Variants in NTMT1 observed in about 807,000 individuals in gnomAD.
The protein encoded by NTMT1 is N-terminal RCC1 methyltransferase.
NTMT1 carries 8 observed loss-of-function variants against 17.5 expected under a neutral mutation model. The observed-to-expected ratio is 0.46, with a 90% CI of 0.27 to 0.82. The LOEUF is 0.82. NTMT1 is among the 40% of genes least tolerant of loss of function. NTMT1 has a pLI of 0.15. For missense variants in NTMT1, 221 were observed against 303.5 expected (o/e 0.73, Z 2.02); for synonymous variants, 128 against 126.8 (o/e 1.01, Z -0.06).
upstream of NTMT1, among the ~76,000 whole-genome samples, chr9:129,621,253 G>A (rs181793492): frequency 6.6e-6 from 1 of 152,348 alleles, no homozygotes; most frequent in South Asian, 2.1e-4. Flanking sequence ...AGACCCCTGG[G>A]TGGGGAGCCT....
At chr9:129,634,386 C>T in intron 3 of NTMT1, 80 bp downstream of exon 3, 2 of 1,492,244 alleles carry the variant, frequency 1.3e-6, no homozygotes, top group East Asian at 4.6e-5. Context: ...AGGACCAGGG[C>T]TTTGCACTCC....
chr9:129,617,528 G>A (rs907317190), intron 1 of NTMT1, among the ~76,000 whole-genome samples: 1 of 152,240 alleles, frequency 6.6e-6, no homozygotes, highest in African/African-American at 2.4e-5. Context: ...GCTCTTGAAT[G>A]TGAAAGTCTG....
At chr9:129,629,462 C>T (rs1003216667) in intron 1 of NTMT1, among the ~76,000 whole-genome samples, 8 of 152,142 alleles carry the variant, frequency 5.3e-5, no homozygotes, top group African/African-American at 1.9e-4. Flanking sequence ...AGGATCATGG[C>T]TCACTGCAGC....
At position 129,613,323 on chromosome 9, in the gene NTMT1, T is replaced by C; in HGVS notation, c.-55+4145T>C. 1.3e-6 allele frequency: 2 copies of C among 1,565,598 alleles called. No individual in the cohort carries two copies. The highest frequency in any genetic ancestry group is 1.7e-6 in the Non-Finnish European group (2 of 1,154,624). On this transcript the variant is annotated intron_variant, in intron 1 of 3. Coordinates refer to the NTMT1 transcript ENST00000372486. The surrounding 1 kb of genome is among the most constrained non-coding windows in gnomAD (Gnocchi z 6.2). ...GCCCACCCATGGCTGGCAGGGCCCT[T>C]GAGGACCCACACTGGCAACCCGCCT... is the stretch of plus-strand genomic sequence containing the variant.
In NTMT1 at chr9:129,613,310, C is replaced by G; in HGVS notation, c.-55+4132C>G. On this transcript the variant is annotated intron_variant, in intron 1 of 3. Coordinates refer to the NTMT1 transcript ENST00000372486. The surrounding 1 kb of genome is among the most constrained non-coding windows in gnomAD (Gnocchi z 6.2). ...CTCTGAGTCCCCGGCCCACCCATGG[C>G]TGGCAGGGCCCTTGAGGACCCACAC... 1 of 1,565,290 alleles carries G rather than the reference C, an allele frequency of 6.4e-7. No homozygotes were observed.
Position 129,613,310 on chromosome 9 carries a change from C to T in NTMT1, c.-55+4132C>T. On this transcript the variant is annotated intron_variant, in intron 1 of 3. Transcript: ENST00000372486. This position sits in a 1 kb window ranked among gnomAD's most constrained non-coding sequence, Gnocchi z 6.2. The stretch of plus-strand genomic sequence containing the variant: ...CTCTGAGTCCCCGGCCCACCCATGG[C>T]TGGCAGGGCCCTTGAGGACCCACAC... The T allele has an allele frequency of 5.1e-6, 8 of 1,565,290 alleles. No individual in the cohort carries two copies. The South Asian group carries it at 8.4e-5, about 16-fold the overall frequency.
At chr9:129,622,751 G>A (rs1474732452), upstream of NTMT1, among the ~76,000 whole-genome samples, 4 of 152,040 alleles carry the variant, frequency 2.6e-5, no homozygotes, top group African/African-American at 7.3e-5. Context: ...AAGAGGCCAG[G>A]TTCCAGTGGC....
At chr9:129,619,765 T>C in intron 1 of NTMT1, 2 of 1,613,928 alleles carry the variant, frequency 1.2e-6, no homozygotes, top group Non-Finnish European at 1.7e-6. Flanking sequence ...AATGAACAGT[T>C]GGGACACCGC....
Position 129,635,323 on chromosome 9 carries a change from C to G in NTMT1, c.531C>G (p.Asp177Glu). ...TGGCCCAGGAGGGCGTGATTCTGGA[C>G]GACGTGGACAGCAGCGTGTGCCGGG... ...DNMAQEGVIL[D>E]DVDSSVCRDL... Residue 177 changes from aspartate to glutamate, a missense_variant, in exon 4 of 4, where the codon GAC becomes GAG. Transcript: ENST00000372483. 1 of 1,613,842 alleles carries G rather than the reference C, an allele frequency of 6.2e-7. No individual in the cohort carries two copies. The highest frequency in any genetic ancestry group is 1.1e-5 in the South Asian group (1 of 91,088).
intron 1 of NTMT1, among the ~76,000 whole-genome samples, chr9:129,616,034 C>T (rs529990021): frequency 6.6e-6 from 1 of 152,206 alleles, no homozygotes; most frequent in East Asian, 1.9e-4. Context: ...GAATGCCAGC[C>T]CAGGAGTCAT....
rs1175217518 is a variant in NTMT1 at position 129,620,203 on chromosome 9, G to A, written c.-55+11025G>A. The A allele has an allele frequency of 6.9e-6, 10 of 1,447,152 alleles. No homozygotes were observed. The East Asian group carries it at 2.4e-4, about 34-fold the overall frequency. The allele number at this position is 1,447,152 out of a possible 1,614,324, so 89.6% of individuals were successfully genotyped here. A position where few individuals can be genotyped will look rare whatever the true frequency, so the allele number is the denominator to read the frequency against. ...TGGCCACGCGCCTCCGGGGGCGCTCGCGCTCTCCAGGCCCTGGCTGCCTGG... is the reference window on the plus strand; with the variant it reads ...TGGCCACGCGCCTCCGGGGGCGCTCACGCTCTCCAGGCCCTGGCTGCCTGG... On this transcript the variant is annotated intron_variant, in intron 1 of 3. Transcript: ENST00000372486. This position sits in a 1 kb window ranked among gnomAD's most constrained non-coding sequence, Gnocchi z 5.8.
intron 1 of NTMT1, among the ~76,000 whole-genome samples, chr9:129,632,221 G>A (rs1286865033): frequency 1.3e-5 from 2 of 152,166 alleles, no homozygotes; most frequent in Non-Finnish European, 2.9e-5. Flanking sequence ...GGCCAAGGTG[G>A]GAGAATCTCT....
In NTMT1 at chr9:129,620,181, C is replaced by A; in HGVS notation, c.-55+11003C>A. ...CCCAAGAAGTCGGGGTCCTCCCTGG[C>A]CACGCGCCTCCGGGGGCGCTCGCGC... On this transcript the variant is annotated intron_variant, in intron 1 of 3. Coordinates refer to the NTMT1 transcript ENST00000372486. This position sits in a 1 kb window ranked among gnomAD's most constrained non-coding sequence, Gnocchi z 5.8. 2 of 1,454,878 alleles carry A rather than the reference C, an allele frequency of 1.4e-6. No homozygotes were observed. Among genetic ancestry groups the A allele is most frequent in the Middle Eastern group, 1.8e-4 (1 of 5,492 alleles). The allele number at this position is 1,454,878 out of a possible 1,614,324, so 90.1% of individuals were successfully genotyped here.
chr9:129,618,677 ATTTAT>A (rs912479658), intron 1 of NTMT1, among the ~76,000 whole-genome samples: 5 of 150,716 alleles, frequency 3.3e-5, no homozygotes, highest in Admixed American at 6.6e-5. Context: ...TTTATTTTTT[ATTTAT>A]TTTATTTTAT....
At chr9:129,628,581 C>G (rs555285791) in intron 1 of NTMT1, 2 of 152,174 alleles carry the variant, frequency 1.3e-5, no homozygotes, top group African/African-American at 2.4e-5. Context: ...TGCACAAAGC[C>G]CATTCTTGCA....
chr9:129,635,219 G>A lies in NTMT1; in HGVS notation c.427G>A (p.Asp143Asn), dbSNP rs373504185. The A allele has an allele frequency of 6.2e-6, 10 of 1,609,496 alleles. No individual in the cohort carries two copies. The highest frequency in any genetic ancestry group is 1.3e-5 in the African/African-American group (1 of 74,910). ...TCTGCCCTCCCCAGGCCACCTCACCGATCAGCACCTGGCCGAGTTCCTGCG... is the reference window on the plus strand; with the variant it reads ...TCTGCCCTCCCCAGGCCACCTCACCAATCAGCACCTGGCCGAGTTCCTGCG... ...WIQWVIGHLTDQHLAEFLRRC... is the reference protein window; with the variant it reads ...WIQWVIGHLTNQHLAEFLRRC... Residue 143 changes from aspartate (D) to asparagine (N), a missense_variant, in exon 4 of 4, where the codon GAT becomes AAT. Asp to Asn is a conservative substitution (Grantham distance 23). Coordinates refer to ENST00000372483, the MANE Select transcript of NTMT1 (RefSeq NM_014064.4).
At chr9:129,609,407 C>T (rs2118836588) in intron 1 of NTMT1, among the ~76,000 whole-genome samples, 1 of 152,264 alleles carries the variant, frequency 6.6e-6, no homozygotes, top group Non-Finnish European at 1.5e-5. Flanking sequence ...ACAGGACTGT[C>T]CATGACCAAT....
chr9:129,613,146 G>T lies in NTMT1; in HGVS notation c.-55+3968G>T, dbSNP rs1830169671. On this transcript the variant is annotated intron_variant, in intron 1 of 3. Transcript: ENST00000372486. The surrounding 1 kb of genome is among the most constrained non-coding windows in gnomAD (Gnocchi z 6.2). Reference sequence around the variant, plus strand: ...TGTGCGGGTCCAAGAAGGCTCGGAGGCTGCTTCGCGGCCTCTGAGCAGCGG... The same window carrying T: ...TGTGCGGGTCCAAGAAGGCTCGGAGTCTGCTTCGCGGCCTCTGAGCAGCGG... 6.2e-7 allele frequency: 1 copy of T among 1,613,862 alleles called. No homozygotes were observed. Among genetic ancestry groups the T allele is most frequent in the Non-Finnish European group, 8.5e-7 (1 of 1,180,010 alleles).
Position 129,635,594 on chromosome 9 carries a change from C to T in NTMT1, c.*130C>T. 2 of 1,142,032 alleles carry T rather than the reference C, an allele frequency of 1.8e-6. No homozygotes were observed. Among genetic ancestry groups the T allele is most frequent in the Non-Finnish European group, 1.2e-6 (1 of 805,188 alleles). The allele number at this position is 1,142,032 out of a possible 1,614,324, so 70.7% of individuals were successfully genotyped here. ...CCACTAAATATAGCTGTCTGCCGTC[C>T]ACTCATTATGCGGGCTCTTCTTCAA... On this transcript the variant is annotated 3_prime_UTR_variant, in exon 4 of 4. Transcript: ENST00000372483.
Sources: gnomAD v4.1 joint callset for allele counts (sites outside exome capture counted in the v4.1 genomes callset) on GRCh38, gnomAD v4.1.1 for gene constraint, Gnocchi (gnomAD v3.1) non-coding constraint, MANE v1.5 for transcripts, NCBI Gene and HGNC (gene_info 2026-07-23, HGNC 2026-07-21) for gene names.